MCM8: variants seen among roughly 807,000 people sequenced by gnomAD.
MCM8 encodes the protein minichromosome maintenance 8 homologous recombination repair factor, also known as DNA helicase MCM8.
Under a neutral mutation model 98.9 loss-of-function variants are expected in MCM8, and 85 were observed. The ratio of observed to expected loss-of-function variants is 0.86; its 90% CI spans 0.72 to 1.03. The LOEUF (loss-of-function observed/expected upper bound fraction) is 1.03. MCM8 is among the 50% of genes least tolerant of loss of function. MCM8 has a pLI of 0.00. For missense variants in MCM8, 951 were observed against 997.8 expected (o/e 0.95, Z 0.63); for synonymous variants, 352 against 338.6 (o/e 1.04, Z -0.44).
intron 10 of MCM8, among the ~76,000 whole-genome samples, chr20:5,970,251 A>G (rs1024010784): frequency 2.0e-5 from 3 of 152,230 alleles, no homozygotes; most frequent in African/African-American, 7.2e-5. Context: ...TTTAAGAAAA[A>G]GTTTGTCAAC....
chr20:5,963,162 T>A (rs2089190849), intron 7 of MCM8, 112 bp from the exon 8 acceptor site: 1 of 766,270 alleles, frequency 1.3e-6, no homozygotes, highest in Non-Finnish European at 2.2e-6. Flanking sequence ...TTTACTAGCA[T>A]CCTGAGACCA....
rs185806541 is a variant in MCM8, at chr20:5,967,476, C to T, written c.916C>T (p.Arg306Trp). The T allele has an allele frequency of 1.9e-6, 3 of 1,613,882 alleles. No individual in the cohort carries two copies. Among genetic ancestry groups the T allele is most frequent in the East Asian group, 2.2e-5 (1 of 44,870 alleles). The change falls in exon 9 of 19, where the codon CGG becomes TGG. Residue 306 changes from arginine to tryptophan, a missense_variant. By Grantham distance (101) the Arg-to-Trp change is moderately radical. Coordinates refer to ENST00000610722, the MANE Select transcript of MCM8 (RefSeq NM_032485.6). ...GTCTGATGATCAGAGAGAAGCAGGT[C>T]GGATTCCACGAACAATAGAATGTGA... ...LMSDDQREAG[R>W]IPRTIECELV...
chr20:5,985,011 T>G lies in MCM8; in HGVS notation c.1953+11T>G. 1 of 1,602,670 alleles carries G rather than the reference T, an allele frequency of 6.2e-7. No individual in the cohort carries two copies. Among genetic ancestry groups the G allele is most frequent in the South Asian group, 1.1e-5 (1 of 90,806 alleles). On this transcript the variant is annotated intron_variant, in intron 15 of 18. Transcript: ENST00000610722. ...TCAGAAAGACTAAAGGTATAAATGT[T>G]TCTTCTCCTTATTCAGTTTGGTTCT...
At chr20:5,960,138 A>G (rs1041452071) in intron 7 of MCM8, among the ~76,000 whole-genome samples, 1 of 152,344 alleles carries the variant, frequency 6.6e-6, no homozygotes, top group Non-Finnish European at 1.5e-5. Context: ...TTTGTTAGGT[A>G]TAAATAATAC....
chr20:5,979,186 C>G (rs236105), intron 13 of MCM8, among the ~76,000 whole-genome samples: 34,261 of 151,992 alleles, frequency 0.23, 5,508 homozygotes, highest in African/African-American at 0.46. Flanking sequence ...CCTTGAGACC[C>G]TTGAAACTCT....
chr20:5,990,035 C>G (rs1421922536), intron 17 of MCM8, among the ~76,000 whole-genome samples: 1 of 151,372 alleles, frequency 6.6e-6, no homozygotes, highest in African/African-American at 2.4e-5. Context: ...CCTTCTGTGT[C>G]TAAGTATCCT....
At chr20:5,986,938 A>G (rs2089746216) in intron 16 of MCM8, among the ~76,000 whole-genome samples, 3 of 152,010 alleles carry the variant, frequency 2.0e-5, no homozygotes, top group Admixed American at 2.0e-4. Flanking sequence ...GGATCCTCCC[A>G]CCTCAGCTTC....
At chr20:5,992,727 T>A (rs1027957072) in intron 17 of MCM8, among the ~76,000 whole-genome samples, 2 of 152,204 alleles carry the variant, frequency 1.3e-5, no homozygotes, top group African/African-American at 4.8e-5. Flanking sequence ...GGGAAGGGAT[T>A]ATACCTGTTT....
At chr20:5,965,000 G>A (rs767123449) in intron 8 of MCM8, among the ~76,000 whole-genome samples, 1 of 152,168 alleles carries the variant, frequency 6.6e-6, no homozygotes, top group African/African-American at 2.4e-5. Context: ...TATGTGAGCT[G>A]AGGACATTAG....
chr20:5,985,561 C>A (rs936469235), intron 15 of MCM8, among the ~76,000 whole-genome samples: 11 of 151,134 alleles, frequency 7.3e-5, no homozygotes, highest in Admixed American at 4.6e-4. Flanking sequence ...TTTATTTATT[C>A]TGAGACATAG....
rs1457602149 is a variant in MCM8, at chr20:5,963,286, G to A, written c.802G>A (p.Val268Met). Reference protein sequence around the residue: ...YSLPTKCPVPVCRGRSFTALR... With the variant: ...YSLPTKCPVPMCRGRSFTALR... ...TTGTTTCATTCAGTGTCCTGTGCCT[G>A]TGTGTCGAGGCAGGTCATTTACTGC... Residue 268 changes from valine to methionine, a missense_variant, in exon 8 of 19, where the codon GTG becomes ATG. Physicochemically the swap from Val to Met is conservative, Grantham distance 21 (BLOSUM62 1). Transcript: ENST00000610722. 1.2e-6 allele frequency: 2 copies of A among 1,613,340 alleles called. No individual in the cohort carries two copies. Among genetic ancestry groups the A allele is most frequent in the Non-Finnish European group, 1.7e-6 (2 of 1,179,420 alleles).
rs2089941531 is a variant in MCM8 at position 5,995,328 on chromosome 20, A to G, written c.*937A>G. ...GAAAGAATTTTGTTTGGCTCACGGA[A>G]TTATTAGAAGGCAGGTGAACCAGGA... On this transcript the variant is annotated 3_prime_UTR_variant, in exon 19 of 19. Coordinates refer to ENST00000610722, the MANE Select transcript of MCM8 (RefSeq NM_032485.6). 6.6e-6 allele frequency: 1 copy of G among 152,268 alleles called. No individual in the cohort carries two copies. Among genetic ancestry groups the G allele is most frequent in the African/African-American group, 2.4e-5 (1 of 41,466 alleles). 9.4% of individuals were successfully genotyped at this position (152,268 alleles called of 1,614,324 possible). A position where few individuals can be genotyped will look rare whatever the true frequency, so the allele number is the denominator to read the frequency against.
intron 17 of MCM8, among the ~76,000 whole-genome samples, chr20:5,993,109 T>TTAAATTTTATTTA (rs2089885805): frequency 6.6e-6 from 1 of 152,190 alleles, no homozygotes; most frequent in Admixed American, 6.5e-5. Context: ...TACCTTTTAT[T>TTAAATTTTATTTA]TAAAATACTG....
At chr20:5,973,015 T>G in intron 11 of MCM8, 41 bp from the exon 12 acceptor site, 1 of 1,607,732 alleles carries the variant, frequency 6.2e-7, no homozygotes. Flanking sequence ...CACCTTTATG[T>G]TTTCCTTACT....
chr20:5,963,124 A>G, intron 7 of MCM8, 150 bp from the exon 8 acceptor site: 1 of 624,840 alleles, frequency 1.6e-6, no homozygotes, highest in Non-Finnish European at 2.9e-6. Context: ...AGGAAATAGA[A>G]AGTCATTAAT....
intron 12 of MCM8, among the ~76,000 whole-genome samples, chr20:5,974,863 C>T (rs753623081): frequency 2.0e-5 from 3 of 152,152 alleles, no homozygotes; most frequent in Non-Finnish European, 4.4e-5. Context: ...TTTTGGCCAT[C>T]TGGGGCTACT....
intron 12 of MCM8, 121 bp from the exon 13 acceptor site, chr20:5,977,755 C>A: frequency 9.8e-7 from 1 of 1,019,296 alleles, no homozygotes; most frequent in Non-Finnish European, 1.4e-6. Context: ...TGATGGTGCA[C>A]CTTGTACACT....
At position 5,962,565 on chromosome 20, in the gene MCM8, G is replaced by A. The variant is rs1478458565; in HGVS notation, c.790-709G>A. Among the ~76,000 whole-genome samples, 3 of 76,078 alleles carry A rather than the reference G, an allele frequency of 3.9e-5. 1 individual carries two copies. Among genetic ancestry groups the A allele is most frequent in the Admixed American group, 1.2e-4 (1 of 8,522 alleles). 49.9% of individuals were successfully genotyped at this position (76,078 alleles called of 152,430 possible). On this transcript the variant is annotated intron_variant, in intron 7 of 18. Coordinates refer to ENST00000610722, the MANE Select transcript of MCM8 (RefSeq NM_032485.6). ...AATTTTTTGTATTTTTAGTAGAGAC[G>A]GGGTTTCACCTTGTTAGCCAGGATG...
intron 7 of MCM8, among the ~76,000 whole-genome samples, chr20:5,961,392 G>T (rs780784953): frequency 1.3e-5 from 2 of 152,136 alleles, no homozygotes; most frequent in African/African-American, 4.8e-5. Flanking sequence ...CATGTGAAGG[G>T]TTGAATCCTT....
Sources: gnomAD v4.1 joint callset for allele counts (sites outside exome capture counted in the v4.1 genomes callset) on GRCh38, gnomAD v4.1.1 for gene constraint, MANE v1.5 for transcripts, NCBI Gene and HGNC (gene_info 2026-07-23, HGNC 2026-07-21) for gene names.